NAE1: variants seen among roughly 807,000 people sequenced by gnomAD.
NAE1 encodes the protein NEDD8-activating enzyme E1 regulatory subunit.
A neutral mutation model predicts 88.0 loss-of-function variants in NAE1; 59 were observed. The observed-to-expected ratio is 0.67, with a 90% CI of 0.54 to 0.83. The LOEUF is 0.83. Ranked by LOEUF, NAE1 falls within the 40% of genes least tolerant of loss-of-function variation. NAE1 has a pLI of 0.00. For missense variants in NAE1, 554 were observed against 632.8 expected, an observed-to-expected ratio of 0.88 and a Z score of 1.34; for synonymous variants, 186 against 208.9, an observed-to-expected ratio of 0.89 and a Z score of 0.95.
At chr16:66,806,121 A>ATT (rs1959551933) in intron 17 of NAE1, 95 bp from the exon 18 acceptor site, 3 of 1,355,580 alleles carry the variant, frequency 2.2e-6, no homozygotes, top group Non-Finnish European at 2.9e-6. Flanking sequence ...TCTAGTCAAA[A>ATT]TATGTATGAA....
intron 19 of NAE1, chr16:66,805,528 A>G (rs1045300994): frequency 1.6e-5 from 6 of 366,600 alleles, no homozygotes; most frequent in Admixed American, 4.7e-5. Flanking sequence ...AGTCCCAGCT[A>G]TTCAGGAGGC....
rs1367188415 is a variant in NAE1 at position 66,816,618 on chromosome 16, G to C, written c.803C>G (p.Ala268Gly). ...APEDEENFEE[A>G]IKNVNTALNT... ...TAGTGCTGTGTTCACATTTTTAATA[G>C]CTTCTTCAAAATTCTCTTCATCTTC... Residue 268 changes from alanine to glycine, a missense_variant, in exon 11 of 20, where the codon GCT becomes GGT. Coordinates refer to ENST00000290810, the MANE Select transcript of NAE1 (RefSeq NM_003905.4). 2.5e-6 allele frequency: 4 copies of C among 1,611,930 alleles called. No homozygotes were observed. Among genetic ancestry groups the C allele is most frequent in the Non-Finnish European group, 2.5e-6 (3 of 1,178,740 alleles).
intron 8 of NAE1, 122 bp from the exon 9 acceptor site, chr16:66,817,609 C>T (rs1028557565): frequency 4.7e-5 from 29 of 617,316 alleles, no homozygotes; most frequent in Middle Eastern, 9.1e-4. Context: ...AGTGAATAGA[C>T]GAAAATGAAC....
intron 13 of NAE1, 78 bp downstream of exon 13, chr16:66,813,486 T>A (rs1196973425): frequency 1.4e-6 from 2 of 1,473,674 alleles, no homozygotes; most frequent in African/African-American, 2.8e-5. Flanking sequence ...TTCATTTGAT[T>A]TCTGACAGGA....
intron 8 of NAE1, 24 bp from the exon 9 acceptor site, chr16:66,817,511 G>T: frequency 1.4e-6 from 2 of 1,457,570 alleles, no homozygotes; most frequent in African/African-American, 1.4e-5. Context: ...ACAAATAAAA[G>T]AAAATATCAG....
At chr16:66,812,247 T>G (rs1198663309) in intron 13 of NAE1, among the ~76,000 whole-genome samples, 2 of 152,210 alleles carry the variant, frequency 1.3e-5, no homozygotes, top group Non-Finnish European at 2.9e-5. Flanking sequence ...CTATCTGACC[T>G]TGTATAAGTA....
At chr16:66,806,099 A>G in intron 17 of NAE1, 73 bp from the exon 18 acceptor site, 2 of 1,449,792 alleles carry the variant, frequency 1.4e-6, no homozygotes, top group South Asian at 1.4e-5. Context: ...TATTTAATCT[A>G]GTTTCAGATG....
In NAE1 at chr16:66,813,555, G is replaced by C; in HGVS notation, c.1034+9C>G. 1 of 1,600,726 alleles carries C rather than the reference G, an allele frequency of 6.2e-7. No homozygotes were observed. Among genetic ancestry groups the C allele is most frequent in the Non-Finnish European group, 8.5e-7 (1 of 1,174,116 alleles). Reference sequence around the variant, plus strand: ...TTTTCTATTACATAGTTTGAAAACAGTGACATACACGTTTTGCAGTTTTAT... The same window carrying C: ...TTTTCTATTACATAGTTTGAAAACACTGACATACACGTTTTGCAGTTTTAT... On this transcript the variant is annotated intron_variant, in intron 13 of 19. Coordinates refer to ENST00000290810, the MANE Select transcript of NAE1 (RefSeq NM_003905.4).
intron 19 of NAE1, 186 bp downstream of exon 19, chr16:66,805,591 T>TCA: frequency 4.6e-6 from 2 of 431,044 alleles, no homozygotes; most frequent in South Asian, 2.5e-4. Context: ...CGAGCTATGA[T>TCA]GGCATCAATA....
intron 19 of NAE1, 33 bp downstream of exon 19, chr16:66,805,744 C>A: frequency 7.0e-7 from 1 of 1,427,312 alleles, no homozygotes; most frequent in South Asian, 1.8e-5. Context: ...TACTATGTAA[C>A]AACAGGTGAG....
rs985958195 is a variant in NAE1 at position 66,830,861 on chromosome 16, G to A, written c.39C>T (p.Tyr13=). The stretch of plus-strand genomic sequence containing the variant: ...CCTCGGCTCACCTCAGCTGCCGGTC[G>A]TACTTCTGCTCCTTGAGCAGCTTTC... ...QLGKLLKEQK[Y]DRQLRLWGDH... Residue 13 remains tyrosine, a synonymous_variant, in exon 1 of 20, where the codon TAC becomes TAT. Transcript: ENST00000290810. The A allele has an allele frequency of 8.5e-6, 13 of 1,529,882 alleles. No individual in the cohort carries two copies. Among genetic ancestry groups the A allele is most frequent in the Admixed American group, 2.0e-5 (1 of 51,210 alleles). The allele number at this position is 1,529,882 out of a possible 1,614,324, so 94.8% of individuals were successfully genotyped here.
chr16:66,810,724 A>G lies in NAE1; in HGVS notation c.1083T>C (p.Val361=). The change falls in exon 14 of 20, where the codon GTT becomes GTC. Residue 361 remains valine, a synonymous_variant. Transcript: ENST00000290810. The part of the protein sequence containing the change: ...KKDAAAVGNH[V]AKLLQSIGQA... Reference sequence around the variant, plus strand: ...GGCCAATGGACTGCAGCAATTTGGCAACATGATTACCCACAGCGGCAGCAT... The same window carrying G: ...GGCCAATGGACTGCAGCAATTTGGCGACATGATTACCCACAGCGGCAGCAT... 2 of 1,614,200 alleles carry G rather than the reference A, an allele frequency of 1.2e-6. No individual in the cohort carries two copies.
At position 66,808,606 on chromosome 16, in the gene NAE1, G is replaced by A; in HGVS notation, c.1245C>T (p.Ser415=). ...CTATTTCATTATCTGGATTGTCCAT[G>A]CTAGAAACTGAAAGGAAAAAAAATT... ...DTINKDEIIS[S]MDNPDNEIVL... is the part of the protein sequence containing the mutation. The change falls in exon 17 of 20, where the codon AGC becomes AGT. Residue 415 remains serine, a synonymous_variant. Transcript: ENST00000290810. The A allele has an allele frequency of 6.3e-7, 1 of 1,599,432 alleles. No homozygotes were observed.
At chr16:66,823,158 G>A in intron 6 of NAE1, 69 bp downstream of exon 6, 3 of 952,234 alleles carry the variant, frequency 3.2e-6, no homozygotes, top group Non-Finnish European at 4.6e-6. Context: ...ATCATAGACT[G>A]TGCAAAGAAA....
chr16:66,810,048 CAA>C (rs552147148), intron 15 of NAE1, among the ~76,000 whole-genome samples: 6 of 151,450 alleles, frequency 4.0e-5, no homozygotes, highest in Admixed American at 3.3e-4. Context: ...ACTTCACACC[CAA>C]AGTCTTCAGA....
chr16:66,810,061 CA>C (rs541601420), intron 15 of NAE1, among the ~76,000 whole-genome samples: 1 of 151,934 alleles, frequency 6.6e-6, no homozygotes, highest in Non-Finnish European at 1.5e-5. Context: ...AGTCTTCAGA[CA>C]AAAAAACTTC....
At chr16:66,830,506 G>T (rs945495195) in intron 1 of NAE1, among the ~76,000 whole-genome samples, 1 of 152,204 alleles carries the variant, frequency 6.6e-6, no homozygotes, top group Non-Finnish European at 1.5e-5. Context: ...CCTCTGTGCC[G>T]CCCTCGCGGC....
chr16:66,820,825 C>T (rs935798070), intron 7 of NAE1, among the ~76,000 whole-genome samples: 3 of 148,318 alleles, frequency 2.0e-5, no homozygotes, highest in Admixed American at 6.8e-5. Flanking sequence ...GGCGTGAACC[C>T]GGGAGGTGGA....
At chr16:66,818,752 G>C (rs1960149110) in intron 7 of NAE1, 115 bp from the exon 8 acceptor site, 1 of 1,346,758 alleles carries the variant, frequency 7.4e-7, no homozygotes, top group Admixed American at 3.1e-5. Context: ...ACAGCTCACT[G>C]CTGAAACTCC....
Sources: gnomAD v4.1 joint callset for allele counts (sites outside exome capture counted in the v4.1 genomes callset) on GRCh38, gnomAD v4.1.1 for gene constraint, MANE v1.5 for transcripts, NCBI Gene and HGNC (gene_info 2026-07-23, HGNC 2026-07-21) for gene names.